B3GNT4: variants seen among roughly 807,000 people sequenced by gnomAD.
The protein encoded by B3GNT4 is N-acetyllactosaminide beta-1,3-N-acetylglucosaminyltransferase 4.
B3GNT4 carries 2 observed loss-of-function variants against 2.7 expected under a neutral mutation model. The ratio of observed to expected loss-of-function variants is 0.73; its 90% confidence interval spans 0.30 to 2.31. The LOEUF (loss-of-function observed/expected upper bound fraction) is 2.31, where lower values mean the gene tolerates loss of function less well. Among genes scored for constraint, B3GNT4 ranks in the 30% most tolerant of loss-of-function variants. The pLI, the probability that B3GNT4 is intolerant of heterozygous loss-of-function variation, is 0.12. For missense variants in B3GNT4, 708 were observed against 490.9 expected, an observed-to-expected ratio of 1.44 and a Z score of -4.18; for synonymous variants, 280 against 203.4, an observed-to-expected ratio of 1.38 and a Z score of -3.20.
At chr12:122,205,011 CAG>C (rs1223525784) in intron 2 of B3GNT4, 3 of 275,798 alleles carry the variant, frequency 1.1e-5, no homozygotes, top group Admixed American at 1.0e-4. Flanking sequence ...GTCTGGGTGA[CAG>C]AGACACTGTC....
chr12:122,208,117 G>GT lies in B3GNT4; in HGVS notation c.*730dup, dbSNP rs1566019020. 6 of 657,962 alleles carry GT rather than the reference G, an allele frequency of 9.1e-6. No individual in the cohort carries two copies. Among genetic ancestry groups the GT allele is most frequent in the South Asian group, 7.5e-5 (5 of 66,296 alleles). The allele number at this position is 657,962 out of a possible 1,614,324, so 40.8% of individuals were successfully genotyped here. On this transcript the variant is annotated 3_prime_UTR_variant, in exon 3 of 3. Transcript: ENST00000324189. Reference sequence around the variant, plus strand: ...GTAGGCAAAATGCTTTGGGTGTGAGGTAAAAAAAATGGGTAAGAGCAGCTG... The same window carrying GT: ...GTAGGCAAAATGCTTTGGGTGTGAGGTTAAAAAAAATGGGTAAGAGCAGCTG...
chr12:122,204,750 G>T, intron 2 of B3GNT4, 66 bp downstream of exon 2: 1 of 1,411,968 alleles, frequency 7.1e-7, no homozygotes, highest in Non-Finnish European at 9.9e-7. Context: ...TCTCCAGGGG[G>T]CTCAGAAAAC....
chr12:122,207,018 C>T lies in B3GNT4; in HGVS notation c.767C>T (p.Thr256Ile). Residue 256 changes from threonine (T) to isoleucine (I), a missense_variant, in exon 3 of 3, where the codon ACT (threonine) becomes ATT (isoleucine). Thr to Ile is a moderately conservative substitution (Grantham distance 89). Coordinates refer to ENST00000324189, the MANE Select transcript of B3GNT4 (RefSeq NM_030765.4). ...CGCCAAGCCCTGCCCAACAGGAACA[C>T]TAAGGTCAAATACTTCATCCCACCC... ...VIRQALPNRN[T>I]KVKYFIPPSM... 1 of 1,613,954 alleles carries T rather than the reference C, an allele frequency of 6.2e-7. No homozygotes were observed. The highest frequency in any genetic ancestry group is 8.5e-7 in the Non-Finnish European group (1 of 1,179,942).
Position 122,207,294 on chromosome 12 carries a change from T to C in B3GNT4, c.1043T>C (p.Val348Ala). The C allele has an allele frequency of 6.2e-7, 1 of 1,613,878 alleles. No individual in the cohort carries two copies. The highest frequency in any genetic ancestry group is 8.5e-7 in the Non-Finnish European group (1 of 1,179,940). ...TGCCTGTATAGGGGGCTCCTGCTGG[T>C]TCACCGCCTCAGCCCCCTCGAGATG... ...DPCLYRGLLL[V>A]HRLSPLEMWT... is the part of the protein sequence containing the mutation. The change falls in exon 3 of 3, where the codon GTT (valine) becomes GCT (alanine). Residue 348 changes from valine to alanine, a missense_variant. By Grantham distance (64) the Val-to-Ala change is moderately conservative. Transcript: ENST00000324189.
intron 2 of B3GNT4, chr12:122,204,952 C>G: frequency 2.1e-6 from 1 of 481,804 alleles, no homozygotes; most frequent in Non-Finnish European, 3.7e-6. Flanking sequence ...ATCGCTTGAA[C>G]CCAGGAGTTC....
intron 2 of B3GNT4, 71 bp downstream of exon 2, chr12:122,204,755 G>GA (rs1953893256): frequency 2.2e-6 from 3 of 1,370,098 alleles, no homozygotes; most frequent in Non-Finnish European, 3.1e-6. Flanking sequence ...AGGGGGCTCA[G>GA]AAAACTCTGG....
chr12:122,207,273 T>G lies in B3GNT4; in HGVS notation c.1022T>G (p.Leu341Arg). 1 of 1,614,018 alleles carries G rather than the reference T, an allele frequency of 6.2e-7. No individual in the cohort carries two copies. The highest frequency in any genetic ancestry group is 1.1e-5 in the South Asian group (1 of 91,054). Residue 341 changes from leucine to arginine, a missense_variant, in exon 3 of 3, where the codon CTG (leucine) becomes CGG (arginine). By Grantham distance (102) the Leu-to-Arg change is moderately radical. Coordinates refer to ENST00000324189, the MANE Select transcript of B3GNT4 (RefSeq NM_030765.4). ...CCCCTGGACCCCTTAGACCCCTGCC[T>G]GTATAGGGGGCTCCTGCTGGTTCAC... ...RRPLDPLDPCLYRGLLLVHRL... is the reference protein window; with the variant it reads ...RRPLDPLDPCRYRGLLLVHRL...
rs372233552 is a variant in B3GNT4, at chr12:122,206,656, G to T, written c.405G>T (p.Ala135=). ...KSQPGHVERR[A]AIRSTWGRVG... ...AGCCTGGTCACGTGGAGCGACGTGC[G>T]GCTATCCGCAGCACGTGGGGCAGGG... Residue 135 remains alanine, a synonymous_variant, in exon 3 of 3, where the codon GCG becomes GCT. Transcript: ENST00000324189. The T allele has an allele frequency of 2.3e-5, 37 of 1,613,658 alleles. 1 individual carries two copies. In the South Asian group the frequency reaches 2.5e-4, roughly 11 times the overall value.
intron 2 of B3GNT4, chr12:122,204,947 T>G: frequency 2.0e-6 from 1 of 493,172 alleles, no homozygotes; most frequent in Admixed American, 3.5e-5. Flanking sequence ...GGAGGATCGC[T>G]TGAACCCAGG....
At position 122,207,220 on chromosome 12, in the gene B3GNT4, T is replaced by C. The variant is rs144932299; in HGVS notation, c.969T>C (p.Ala323=). The C allele has an allele frequency of 4.1e-4, 655 of 1,614,000 alleles. No homozygotes were observed. The highest frequency in any genetic ancestry group is 5.1e-4 in the Non-Finnish European group (599 of 1,180,028). The change falls in exon 3 of 3, where the codon GCT becomes GCC. Residue 323 remains alanine (A), a synonymous_variant. Transcript: ENST00000324189. ...TGGGGCTGAGCCCTATGCACCATGC[T>C]GGCTTCAAGACATTTGGAATCCGGC... ...RRLGLSPMHH[A]GFKTFGIRRP...
Position 122,206,750 on chromosome 12 carries a change from C to G in B3GNT4, c.499C>G (p.Pro167Ala), listed in dbSNP as rs1178759007. 1 of 1,606,178 alleles carries G rather than the reference C, an allele frequency of 6.2e-7. No individual in the cohort carries two copies. The highest frequency in any genetic ancestry group is 8.5e-7 in the Non-Finnish European group (1 of 1,175,516). Residue 167 changes from proline to alanine, a missense_variant, in exon 3 of 3, where the codon CCA (proline) becomes GCA (alanine). Transcript: ENST00000324189. ...FLLGVAGSAP[P>A]AQLLAYESRE... ...CCTAGGGGTGGCAGGATCCGCTCCC[C>G]CAGCCCAGCTGCTGGCCTATGAGAG... is the stretch of plus-strand genomic sequence containing the variant.
intron 2 of B3GNT4, 39 bp downstream of exon 2, chr12:122,204,723 C>A (rs1423462220): frequency 1.5e-5 from 23 of 1,528,678 alleles, no homozygotes; most frequent in Non-Finnish European, 2.0e-5. Flanking sequence ...CCCCCTTGTC[C>A]CCCACCCCCG....
At chr12:122,203,977 C>T (rs1322823468) in intron 1 of B3GNT4, among the ~76,000 whole-genome samples, 176 bp downstream of exon 1, 2 of 151,424 alleles carry the variant, frequency 1.3e-5, no homozygotes, top group Admixed American at 6.6e-5. Flanking sequence ...TCGGCGGGCA[C>T]GGCTCGGGGC....
rs1349948394 is a variant in B3GNT4 at position 122,206,240 on chromosome 12, G to A, written c.67-78G>A. The A allele has an allele frequency of 5.0e-6, 6 of 1,198,880 alleles. No homozygotes were observed. In the South Asian group the frequency reaches 9.0e-5, roughly 18 times the overall value. 74.3% of individuals were successfully genotyped at this position (1,198,880 alleles called of 1,614,324 possible). On this transcript the variant is annotated intron_variant, in intron 2 of 2. Transcript: ENST00000324189. ...GGCCAGCAGGGACTTAGCGGCTGGGGTGCAGGTTAACTCCTGCCCAACTCT... is the reference window on the plus strand; with the variant it reads ...GGCCAGCAGGGACTTAGCGGCTGGGATGCAGGTTAACTCCTGCCCAACTCT...
rs1953995668 is a variant in B3GNT4 at position 122,208,581 on chromosome 12, C to T, written c.*1193C>T. 6.2e-7 allele frequency: 1 copy of T among 1,611,638 alleles called. No individual in the cohort carries two copies. The highest frequency in any genetic ancestry group is 1.7e-5 in the Admixed American group (1 of 59,976). ...GTTATAGAGGCCTGATCTGCGCCTG[C>T]CAAAAGATGGGACAATCGGGTTGAG... On this transcript the variant is annotated 3_prime_UTR_variant, in exon 3 of 3. Coordinates refer to ENST00000324189, the MANE Select transcript of B3GNT4 (RefSeq NM_030765.4).
At chr12:122,206,264 CT>C (rs1953913118) in intron 2 of B3GNT4, 53 bp from the exon 3 acceptor site, 1 of 1,449,962 alleles carries the variant, frequency 6.9e-7, no homozygotes, top group African/African-American at 1.4e-5. Context: ...CTGCCCAACT[CT>C]TGGGGACAGG....
rs774774427 is a variant in B3GNT4, at chr12:122,206,792, A to T, written c.541A>T (p.Ile181Phe). ...CTATGAGAGTAGGGAGTTTGATGAC[A>T]TCCTCCAGTGGGACTTCACTGAGGA... Reference protein sequence around the residue: ...LAYESREFDDILQWDFTEDFF... With the variant: ...LAYESREFDDFLQWDFTEDFF... The change falls in exon 3 of 3, where the codon ATC becomes TTC. Residue 181 changes from isoleucine (I) to phenylalanine (F), a missense_variant. Ile to Phe is a conservative substitution (Grantham distance 21, BLOSUM62 0). Coordinates refer to ENST00000324189, the MANE Select transcript of B3GNT4 (RefSeq NM_030765.4). 1.2e-6 allele frequency: 2 copies of T among 1,609,032 alleles called. No homozygotes were observed. Among genetic ancestry groups the T allele is most frequent in the Non-Finnish European group, 1.7e-6 (2 of 1,177,304 alleles).
Position 122,207,436 on chromosome 12 carries a change from T to G in B3GNT4, c.*48T>G. On this transcript the variant is annotated 3_prime_UTR_variant, in exon 3 of 3. Transcript: ENST00000324189. Reference sequence around the variant, plus strand: ...GAGAGTGGACTCAGTGTTGATTCTCTATCGTGATGCGAAATTGATGCCTGC... The same window carrying G: ...GAGAGTGGACTCAGTGTTGATTCTCGATCGTGATGCGAAATTGATGCCTGC... 9 of 1,465,988 alleles carry G rather than the reference T, an allele frequency of 6.1e-6. No homozygotes were observed. The highest frequency in any genetic ancestry group is 1.4e-5 in the South Asian group (1 of 71,652). The allele number at this position is 1,465,988 out of a possible 1,614,324, so 90.8% of individuals were successfully genotyped here.
Position 122,206,701 on chromosome 12 carries a change from C to A in B3GNT4, c.450C>A (p.Gly150=). The change falls in exon 3 of 3, where the codon GGC becomes GGA. Residue 150 remains glycine (G), a synonymous_variant. Coordinates refer to ENST00000324189, the MANE Select transcript of B3GNT4 (RefSeq NM_030765.4). ...TWGRVGGWAR[G]RQLKLVFLLG... is the part of the protein sequence containing the mutation. The stretch of plus-strand genomic sequence containing the variant: ...GCAGGGTGGGGGGATGGGCTAGGGG[C>A]CGGCAGCTGAAGCTGGTGTTCCTCC... 1 of 1,610,558 alleles carries A rather than the reference C, an allele frequency of 6.2e-7. No individual in the cohort carries two copies. The highest frequency in any genetic ancestry group is 8.5e-7 in the Non-Finnish European group (1 of 1,178,230).
Sources: allele counts gnomAD v4.1 joint callset (sites outside exome capture counted in the v4.1 genomes callset), GRCh38; gene constraint gnomAD v4.1.1; transcripts MANE v1.5; gene names NCBI Gene and HGNC (gene_info 2026-07-23, HGNC 2026-07-21).